HDAC8: variants seen among roughly 807,000 people sequenced by gnomAD.
HDAC8 encodes histone deacetylase-like 1.
A neutral mutation model predicts 32.2 loss-of-function variants in HDAC8; 1 was observed. The observed-to-expected ratio is 0.03, with a 90% CI of 0.01 to 0.15. HDAC8 has a LOEUF of 0.15. Among genes scored for constraint, HDAC8 ranks in the 10% least tolerant of loss-of-function variants. The pLI is 1.00. For missense variants in HDAC8, 117 were observed against 300.0 expected (o/e 0.39, Z 4.51); for synonymous variants, 108 against 113.9 (o/e 0.95, Z 0.33).
chrX:72,507,047 C>T (rs191253244), intron 4 of HDAC8, among the ~76,000 whole-genome samples: 1 of 110,719 alleles, frequency 9.0e-6, no homozygotes, highest in African/African-American at 3.3e-5. Context: ...CGGGGTTTTG[C>T]CATGTTGCCC....
chrX:72,444,536 C>T (rs782121111), intron 9 of HDAC8, among the ~76,000 whole-genome samples: 16 of 106,772 alleles, frequency 1.5e-4, no homozygotes, highest in African/African-American at 3.7e-4. Flanking sequence ...GGACGTATCT[C>T]AAAATAATAA....
intron 9 of HDAC8, among the ~76,000 whole-genome samples, chrX:72,416,904 C>T (rs1555971998): frequency 9.0e-6 from 1 of 110,864 alleles, no homozygotes; most frequent in Non-Finnish European, 1.9e-5. Context: ...AAAATACACA[C>T]TGTATGATTT....
intron 9 of HDAC8, among the ~76,000 whole-genome samples, chrX:72,436,226 C>T (rs1489613548): frequency 9.0e-6 from 1 of 111,170 alleles, no homozygotes; most frequent in Non-Finnish European, 1.9e-5. Context: ...GCTGAATGAG[C>T]CCTAAACATG....
At chrX:72,344,040 GAGTGGTATC>G (rs2043959106) in intron 10 of HDAC8, among the ~76,000 whole-genome samples, 1 of 111,847 alleles carries the variant, frequency 8.9e-6, no homozygotes, top group African/African-American at 3.2e-5. Flanking sequence ...TTTTTGGCCA[GAGTGGTATC>G]AGTGGAGGTC....
At chrX:72,389,219 C>T (rs1196546177) in intron 9 of HDAC8, among the ~76,000 whole-genome samples, 2 of 111,574 alleles carry the variant, frequency 1.8e-5, no homozygotes, top group Non-Finnish European at 1.9e-5. Context: ...GACACAACTG[C>T]ACAGGGAGAC....
chrX:72,504,304 T>C (rs1188925348), intron 4 of HDAC8, among the ~76,000 whole-genome samples: 1 of 111,999 alleles, frequency 8.9e-6, no homozygotes, highest in Non-Finnish European at 1.9e-5. Context: ...AGAAAACCCA[T>C]GCTTATTAAA....
At chrX:72,572,153 G>C (rs1249852458) in intron 1 of HDAC8, 44 bp from the exon 2 acceptor site, 4 of 1,103,462 alleles carry the variant, frequency 3.6e-6, no homozygotes, top group African/African-American at 3.8e-5. Flanking sequence ...AGCAGAAATA[G>C]TCTCTTTAAA....
intron 10 of HDAC8, among the ~76,000 whole-genome samples, chrX:72,336,842 TG>T (rs1555942664): frequency 9.0e-6 from 1 of 111,290 alleles, no homozygotes. Context: ...CTTGACTTCT[TG>T]GGCTCAAGTG....
At chrX:72,568,662 T>C in intron 3 of HDAC8, 92 bp downstream of exon 3, 2 of 1,045,121 alleles carry the variant, frequency 1.9e-6, no homozygotes, top group Non-Finnish European at 2.6e-6. Context: ...AGTTAACACA[T>C]GATTTCTTAA....
chrX:72,562,662 C>T (rs1201203272), intron 4 of HDAC8, among the ~76,000 whole-genome samples: 3 of 108,526 alleles, frequency 2.8e-5, no homozygotes, highest in African/African-American at 1.0e-4. Context: ...CACCTGTTCT[C>T]CAAAAGCCTA....
At chrX:72,469,619 C>G (rs1035289215) in intron 7 of HDAC8, among the ~76,000 whole-genome samples, 2 of 112,221 alleles carry the variant, frequency 1.8e-5, no homozygotes, top group Non-Finnish European at 3.8e-5. Flanking sequence ...AATTTTCTCT[C>G]TGTTCTGCTG....
At chrX:72,387,100 C>A (rs1555961728) in intron 9 of HDAC8, among the ~76,000 whole-genome samples, 1 of 112,441 alleles carries the variant, frequency 8.9e-6, no homozygotes, top group Non-Finnish European at 1.9e-5. Flanking sequence ...AGGCAGAGCA[C>A]AATGAGCTAG....
intron 9 of HDAC8, among the ~76,000 whole-genome samples, chrX:72,383,650 C>A (rs1052095325): frequency 3.4e-4 from 38 of 110,523 alleles, no homozygotes; most frequent in Non-Finnish European, 7.0e-4. Context: ...GCGGGCGGAT[C>A]ACGAGGTCAG....
intron 9 of HDAC8, among the ~76,000 whole-genome samples, chrX:72,356,571 A>G (rs1200491212): frequency 9.2e-6 from 1 of 109,105 alleles, no homozygotes. Context: ...TGTGGGAGAT[A>G]CTGCAAGCTT....
intron 7 of HDAC8, among the ~76,000 whole-genome samples, chrX:72,471,239 G>A (rs970235301): frequency 3.6e-5 from 4 of 112,431 alleles, no homozygotes; most frequent in African/African-American, 1.3e-4. Flanking sequence ...TTCATCAGTT[G>A]ATGTTATTTC....
intron 9 of HDAC8, among the ~76,000 whole-genome samples, chrX:72,453,511 A>AGAAAGAAAGAAAGAAG (rs2047642100): frequency 9.1e-6 from 1 of 110,091 alleles, no homozygotes; most frequent in Non-Finnish European, 1.9e-5. Context: ...AAAGAAAGAA[A>AGAAAGAAAGAAAGAAG]GAAAGAAAGA....
At chrX:72,542,018 A>T (rs782065171) in intron 4 of HDAC8, among the ~76,000 whole-genome samples, 1 of 111,741 alleles carries the variant, frequency 8.9e-6, no homozygotes, top group Non-Finnish European at 1.9e-5. Context: ...ATTTCCATCT[A>T]CTTAACAAGA....
At chrX:72,564,678 C>T (rs1375882118) in intron 4 of HDAC8, among the ~76,000 whole-genome samples, 1 of 111,768 alleles carries the variant, frequency 8.9e-6, no homozygotes, top group African/African-American at 3.3e-5. Flanking sequence ...GACCTTTCAA[C>T]TCCCATTCAC....
rs188815158 is a variant in HDAC8, at chrX:72,401,603, T to C, written c.1006-49765A>G. Among the ~76,000 whole-genome samples, 104 of 112,299 alleles carry C rather than the reference T, an allele frequency of 9.3e-4. 1 individual carries two copies. The highest frequency in any genetic ancestry group is 1.4e-3 in the Non-Finnish European group (77 of 53,254). On this transcript the variant is annotated intron_variant, in intron 9 of 10. Coordinates refer to ENST00000373573, the MANE Select transcript of HDAC8 (RefSeq NM_018486.3). ...CAGGGGTATTTTATTGTGGTTTTGATTGTATTTCTCCAATAACTAATGATG... is the reference window on the plus strand; with the variant it reads ...CAGGGGTATTTTATTGTGGTTTTGACTGTATTTCTCCAATAACTAATGATG...
Sources: allele counts gnomAD v4.1 joint callset (sites outside exome capture counted in the v4.1 genomes callset), GRCh38; gene constraint gnomAD v4.1.1; transcripts MANE v1.5; gene names NCBI Gene and HGNC (gene_info 2026-07-23, HGNC 2026-07-21).